Variants in YTHDC1 observed in about 807,000 individuals in gnomAD.
The protein encoded by YTHDC1 is YTH N6-methyladenosine RNA binding protein C1.
Under a neutral mutation model 107.0 loss-of-function variants are expected in YTHDC1, and 12 were observed. The ratio of observed to expected loss-of-function variants is 0.11; its 90% CI spans 0.07 to 0.18. The LOEUF is 0.18. Among genes scored for constraint, YTHDC1 ranks in the 10% least tolerant of loss-of-function variants. The pLI is 1.00. For missense variants in YTHDC1, 635 were observed against 898.8 expected, an observed-to-expected ratio of 0.71 and a Z score of 3.75; for synonymous variants, 280 against 289.5, an observed-to-expected ratio of 0.97 and a Z score of 0.33.
chr4:68,312,320 T>C lies in YTHDC1; in HGVS notation c.*1779A>G, dbSNP rs1304848905. On this transcript the variant is annotated 3_prime_UTR_variant, in exon 17 of 17. Transcript: ENST00000344157. ...TTGCATACAAAGTGCTCAGTATTTATTCCTATTATTTCAGGAAAATACCTT... is the reference window on the plus strand; with the variant it reads ...TTGCATACAAAGTGCTCAGTATTTACTCCTATTATTTCAGGAAAATACCTT... 6.6e-6 allele frequency: 1 copy of C among 152,202 alleles called. No homozygotes were observed. The highest frequency in any genetic ancestry group is 1.5e-5 in the Non-Finnish European group (1 of 68,026). The allele number at this position is 152,202 out of a possible 1,614,324, so 9.4% of individuals were successfully genotyped here.
intron 1 of YTHDC1, among the ~76,000 whole-genome samples, chr4:68,347,122 G>C (rs976704523): frequency 3.5e-4 from 54 of 152,158 alleles, no homozygotes; most frequent in Non-Finnish European, 1.0e-4. Context: ...CAGTGAACAA[G>C]ACAGATGTAC....
intron 9 of YTHDC1, among the ~76,000 whole-genome samples, chr4:68,329,337 C>T (rs1456185749): frequency 6.6e-6 from 1 of 152,078 alleles, no homozygotes; most frequent in African/African-American, 2.4e-5. Context: ...CTTTTTCATC[C>T]GACCCCTTCA....
intron 9 of YTHDC1, 72 bp from the exon 10 acceptor site, chr4:68,324,295 G>T: frequency 1.1e-5 from 14 of 1,299,656 alleles, no homozygotes; most frequent in African/African-American, 1.5e-5. Context: ...TTTTAGTAGT[G>T]AATTCCTGTA....
At chr4:68,314,895 T>A (rs1424500144) in intron 16 of YTHDC1, among the ~76,000 whole-genome samples, 1 of 152,224 alleles carries the variant, frequency 6.6e-6, no homozygotes, top group Admixed American at 6.5e-5. Context: ...CTACTCTTAG[T>A]TCTCAGCTTA....
At chr4:68,316,485 A>G in intron 15 of YTHDC1, 37 bp from the exon 16 acceptor site, 1 of 1,597,974 alleles carries the variant, frequency 6.3e-7, no homozygotes, top group Non-Finnish European at 8.5e-7. Flanking sequence ...AGAATCTACC[A>G]ACACCCTTGT....
At chr4:68,329,496 C>T (rs1723347930) in intron 9 of YTHDC1, among the ~76,000 whole-genome samples, 1 of 152,134 alleles carries the variant, frequency 6.6e-6, no homozygotes, top group South Asian at 2.1e-4. Flanking sequence ...TTCTTGTGTA[C>T]AATACTTCAG....
chr4:68,347,852 T>C (rs1038434665), intron 1 of YTHDC1, among the ~76,000 whole-genome samples: 14 of 152,228 alleles, frequency 9.2e-5, no homozygotes, highest in African/African-American at 3.4e-4. Context: ...ACCTGTAGGT[T>C]ACCTAGAACT....
At chr4:68,331,259 C>T (rs1723550512) in intron 7 of YTHDC1, among the ~76,000 whole-genome samples, 1 of 151,982 alleles carries the variant, frequency 6.6e-6, no homozygotes, top group South Asian at 2.1e-4. Flanking sequence ...TTAGTTAAAT[C>T]GAAAGATGAG....
intron 4 of YTHDC1, among the ~76,000 whole-genome samples, chr4:68,336,509 G>T (rs1724185333): frequency 6.6e-6 from 1 of 152,064 alleles, no homozygotes; most frequent in African/African-American, 2.4e-5. Flanking sequence ...TTACACCCCA[G>T]CCCTCTTGTC....
intron 12 of YTHDC1, 68 bp from the exon 13 acceptor site, chr4:68,318,930 C>T (rs750314984): frequency 9.3e-6 from 14 of 1,499,060 alleles, no homozygotes; most frequent in Non-Finnish European, 1.2e-5. Flanking sequence ...ATAATTAAAC[C>T]TTCCTTACCA....
chr4:68,343,835 A>C (rs1725124132), intron 1 of YTHDC1, among the ~76,000 whole-genome samples: 1 of 152,200 alleles, frequency 6.6e-6, no homozygotes, highest in East Asian at 1.9e-4. Context: ...ATTTTTTTAT[A>C]ATGTGCCAGT....
chr4:68,326,190 T>C (rs913010617), intron 9 of YTHDC1, among the ~76,000 whole-genome samples: 15 of 152,054 alleles, frequency 9.9e-5, no homozygotes, highest in African/African-American at 2.9e-4. Flanking sequence ...ACGATCCAAG[T>C]AGAAGTAAAA....
In YTHDC1 at chr4:68,349,899, G is replaced by A. The variant is rs1725919021; in HGVS notation, c.-146C>T. 14 of 1,080,888 alleles carry A rather than the reference G, an allele frequency of 1.3e-5. No homozygotes were observed. Among genetic ancestry groups the A allele is most frequent in the Non-Finnish European group, 1.9e-5 (14 of 731,186 alleles). 67.0% of individuals were successfully genotyped at this position (1,080,888 alleles called of 1,614,324 possible). ...GTCGCACTTGGCCTCTTAACACTCA[G>A]CCTTCTCGACTCTTCCCGCTTTTTC... On this transcript the variant is annotated 5_prime_UTR_variant, in exon 1 of 17. Transcript: ENST00000344157.
chr4:68,332,656 A>G (rs1341412237), intron 6 of YTHDC1, 138 bp downstream of exon 6: 3 of 697,992 alleles, frequency 4.3e-6, no homozygotes, highest in East Asian at 2.7e-5. Context: ...AGAGCTTTCT[A>G]TGTTAAGATA....
rs1284634489 is a variant in YTHDC1 at position 68,316,312 on chromosome 4, A to C, written c.1959+2T>G. ...CACACCTTTGCCTCCTTGTGCACTT[A>C]CTACTCGTTTATCTCTGTATCTTGC... is the stretch of plus-strand genomic sequence containing the variant. On this transcript the variant is annotated splice_donor_variant, in intron 16 of 16. Transcript: ENST00000344157. LOFTEE classifies it high-confidence loss of function. 1 of 1,610,750 alleles carries C rather than the reference A, an allele frequency of 6.2e-7. No individual in the cohort carries two copies. Among genetic ancestry groups the C allele is most frequent in the Non-Finnish European group, 8.5e-7 (1 of 1,178,472 alleles).
At chr4:68,344,463 T>C (rs1725196910) in intron 1 of YTHDC1, among the ~76,000 whole-genome samples, 1 of 152,184 alleles carries the variant, frequency 6.6e-6, no homozygotes, top group African/African-American at 2.4e-5. Flanking sequence ...GAAGATTAAC[T>C]TCCTTGACAG....
intron 1 of YTHDC1, among the ~76,000 whole-genome samples, chr4:68,349,118 C>T (rs1403287252): frequency 6.6e-6 from 1 of 152,152 alleles, no homozygotes; most frequent in African/African-American, 2.4e-5. Context: ...TCTTTGCCAG[C>T]CTAAGTCACA....
chr4:68,335,996 TATAA>T (rs1357682793), intron 4 of YTHDC1, among the ~76,000 whole-genome samples: 2 of 148,358 alleles, frequency 1.3e-5, no homozygotes, highest in African/African-American at 4.9e-5. Context: ...ATCCATATAG[TATAA>T]ATATATAGTA....
Position 68,318,728 on chromosome 4 carries a change from G to C in YTHDC1, c.1723C>G (p.Arg575Gly). 1 of 1,614,028 alleles carries C rather than the reference G, an allele frequency of 6.2e-7. No homozygotes were observed. Among genetic ancestry groups the C allele is most frequent in the Non-Finnish European group, 8.5e-7 (1 of 1,179,976 alleles). ...ACATCTCGGCGAACTCCTGAAAATC[G>C]TCTGTTGGGAATAAGATTTGTGAAA... ...KDPRYQEVDR[R>G]FSGVRRDVFL... is the part of the protein sequence containing the mutation. The change falls in exon 14 of 17, where the codon CGA (arginine) becomes GGA (glycine). Residue 575 changes from arginine to glycine, a missense_variant and splice_region_variant. By Grantham distance (125) the Arg-to-Gly change is moderately radical (BLOSUM62 -2). Transcript: ENST00000344157.
Sources: allele counts gnomAD v4.1 joint callset (sites outside exome capture counted in the v4.1 genomes callset), GRCh38; gene constraint gnomAD v4.1.1; transcripts MANE v1.5; gene names NCBI Gene and HGNC (gene_info 2026-07-23, HGNC 2026-07-21).